TCF12: variants seen among roughly 807,000 people sequenced by gnomAD.
TCF12 encodes the protein DNA-binding protein HTF4.
TCF12 carries 45 observed loss-of-function variants against 86.0 expected under a neutral mutation model. That is an observed-to-expected ratio of 0.52 (90% CI 0.41 to 0.67). The LOEUF (loss-of-function observed/expected upper bound fraction) is 0.67. Among genes scored for constraint, TCF12 ranks in the 30% least tolerant of loss-of-function variants. The pLI, the probability that TCF12 is intolerant of heterozygous loss-of-function variation, is 0.00. For missense variants in TCF12, 881 were observed against 859.9 expected (o/e 1.02, Z -0.31); for synonymous variants, 330 against 299.6 (o/e 1.10, Z -1.05).
At chr15:57,029,604 A>G (rs1443269423) in intron 3 of TCF12, among the ~76,000 whole-genome samples, 1 of 152,200 alleles carries the variant, frequency 6.6e-6, no homozygotes, top group Non-Finnish European at 1.5e-5. Flanking sequence ...ATTAACATGG[A>G]GTAAAATGGA....
chr15:57,263,338 C>A, intron 18 of TCF12, 64 bp downstream of exon 18: 1 of 1,515,944 alleles, frequency 6.6e-7, no homozygotes, highest in Non-Finnish European at 8.9e-7. Flanking sequence ...ACTTGAGAAG[C>A]TGGGTGTCAT....
intron 18 of TCF12, among the ~76,000 whole-genome samples, chr15:57,272,227 T>C (rs1312350572): frequency 6.6e-6 from 1 of 152,224 alleles, no homozygotes; most frequent in African/African-American, 2.4e-5. Flanking sequence ...TCTGTGATCA[T>C]CTCCCTTTAC....
chr15:56,954,485 C>T (rs943708067), intron 3 of TCF12, among the ~76,000 whole-genome samples: 2 of 152,196 alleles, frequency 1.3e-5, no homozygotes, highest in Middle Eastern at 3.4e-3. Context: ...AAAGCCTAGG[C>T]AATACTATTC....
chr15:56,989,464 C>G lies in TCF12; in HGVS notation c.148+68366C>G, dbSNP rs2140951272. 2.0e-5 allele frequency among the ~76,000 whole-genome samples: 3 copies of G among 152,312 alleles called. 1 individual carries two copies. In the South Asian group the frequency reaches 6.2e-4, roughly 32 times the overall value. The stretch of plus-strand genomic sequence containing the variant: ...CAAACAAAACAAAAAAACCAGGCAG[C>G]TGGGTGGATTTAGAAATCCTGGCTA... On this transcript the variant is annotated intron_variant, in intron 3 of 20. Coordinates refer to ENST00000333725, the MANE Select transcript of TCF12 (RefSeq NM_207037.2).
intron 5 of TCF12, among the ~76,000 whole-genome samples, chr15:57,133,783 C>T (rs1219350710): frequency 6.6e-6 from 1 of 152,144 alleles, no homozygotes; most frequent in Non-Finnish European, 1.5e-5. Flanking sequence ...AGTCATTCTC[C>T]ATCAGGTTCC....
In TCF12 at chr15:57,197,630, G is replaced by T. The variant is rs528848619; in HGVS notation, c.527-143G>T. On this transcript the variant is annotated intron_variant, in intron 7 of 20. Transcript: ENST00000333725. ...ACTGGGACTAGTTAAAAGGAATGAAGCCCTCATTACTGTATTTTGCTGCTT... is the reference window on the plus strand; with the variant it reads ...ACTGGGACTAGTTAAAAGGAATGAATCCCTCATTACTGTATTTTGCTGCTT... 31 of 737,704 alleles carry T rather than the reference G, an allele frequency of 4.2e-5. 1 individual carries two copies. The highest frequency in any genetic ancestry group is 3.7e-4 in the African/African-American group (21 of 56,190). 45.7% of individuals were successfully genotyped at this position (737,704 alleles called of 1,614,324 possible). A position where few individuals can be genotyped will look rare whatever the true frequency, so the allele number is the denominator to read the frequency against.
At chr15:57,284,165 A>G (rs1051610269) in intron 20 of TCF12, among the ~76,000 whole-genome samples, 2 of 152,036 alleles carry the variant, frequency 1.3e-5, no homozygotes, top group Admixed American at 6.6e-5. Flanking sequence ...TAAACTTTGA[A>G]GTTTTTTTGT....
intron 4 of TCF12, among the ~76,000 whole-genome samples, chr15:57,089,650 GAGGATACAA>G (rs2048866991): frequency 6.6e-6 from 1 of 151,612 alleles, no homozygotes; most frequent in African/African-American, 2.4e-5. Context: ...AGAGAACTGG[GAGGATACAA>G]AATTGCTCTT....
At chr15:56,951,308 A>C (rs2061264449) in intron 3 of TCF12, among the ~76,000 whole-genome samples, 1 of 152,126 alleles carries the variant, frequency 6.6e-6, no homozygotes, top group Non-Finnish European at 1.5e-5. Context: ...AATGATGTTG[A>C]GTATCTTTTC....
At chr15:56,936,934 G>T (rs1471259616) in intron 3 of TCF12, among the ~76,000 whole-genome samples, 2 of 152,212 alleles carry the variant, frequency 1.3e-5, no homozygotes, top group Admixed American at 6.5e-5. Flanking sequence ...TTTTTGCTCA[G>T]TCTTGTTTTG....
intron 11 of TCF12, among the ~76,000 whole-genome samples, chr15:57,233,106 GTATA>G (rs1409432395): frequency 6.7e-6 from 1 of 149,242 alleles, no homozygotes. Flanking sequence ...AGGTATATAT[GTATA>G]TATGTTTGTG....
chr15:57,203,734 T>G (rs2057670742), intron 8 of TCF12, among the ~76,000 whole-genome samples: 1 of 152,190 alleles, frequency 6.6e-6, no homozygotes, highest in East Asian at 1.9e-4. Flanking sequence ...ACTCTCAAAG[T>G]GTAATTTACC....
chr15:57,174,700 C>T (rs1332337654), intron 6 of TCF12, among the ~76,000 whole-genome samples: 1 of 152,124 alleles, frequency 6.6e-6, no homozygotes, highest in Non-Finnish European at 1.5e-5. Context: ...CAAAGTCAAT[C>T]TAAAAAATTA....
At chr15:56,927,728 C>G (rs1400115737) in intron 3 of TCF12, among the ~76,000 whole-genome samples, 4 of 151,988 alleles carry the variant, frequency 2.6e-5, no homozygotes, top group African/African-American at 7.3e-5. Flanking sequence ...TTTGTGCCTA[C>G]AAGTTAATAA....
intron 3 of TCF12, among the ~76,000 whole-genome samples, chr15:57,024,656 C>T (rs1416099065): frequency 1.3e-5 from 2 of 152,134 alleles, no homozygotes; most frequent in African/African-American, 4.8e-5. Flanking sequence ...AAGGAGCTTG[C>T]CGGTACTGCA....
chr15:57,286,414 C>G lies in TCF12; in HGVS notation c.*269C>G, dbSNP rs767263600. 3.3e-6 allele frequency: 1 copy of G among 302,068 alleles called. No homozygotes were observed. The highest frequency in any genetic ancestry group is 6.6e-6 in the Non-Finnish European group (1 of 152,490). 18.7% of individuals were successfully genotyped at this position (302,068 alleles called of 1,614,324 possible). Reference sequence around the variant, plus strand: ...ATCTTTTGTTGCAAGCAGTGTGTCGCTTCTGCACAATCAGAGACTGTCTCG... The same window carrying G: ...ATCTTTTGTTGCAAGCAGTGTGTCGGTTCTGCACAATCAGAGACTGTCTCG... On this transcript the variant is annotated 3_prime_UTR_variant, in exon 21 of 21. Transcript: ENST00000333725.
intron 3 of TCF12, among the ~76,000 whole-genome samples, chr15:57,028,044 A>C (rs1405988119): frequency 6.6e-6 from 1 of 151,584 alleles, no homozygotes; most frequent in African/African-American, 2.4e-5. Context: ...GCTCACTGCA[A>C]CCTCTGTCTC....
In TCF12 at chr15:57,266,098, T is replaced by G. The variant is rs995935907; in HGVS notation, c.1745+2824T>G. ...TGTTTTTGTTTTTATTATTTATTTATTTATTTATTTATTTATTTATTTATT... is the reference window on the plus strand; with the variant it reads ...TGTTTTTGTTTTTATTATTTATTTAGTTATTTATTTATTTATTTATTTATT... On this transcript the variant is annotated intron_variant, in intron 18 of 20. Transcript: ENST00000333725. 2.7e-3 allele frequency among the ~76,000 whole-genome samples: 339 copies of G among 126,304 alleles called. 13 individuals are homozygous for G. In the East Asian group the frequency reaches 0.053, roughly 20 times the overall value. 82.9% of individuals were successfully genotyped at this position (126,304 alleles called of 152,430 possible). A position where few individuals can be genotyped will look rare whatever the true frequency, so the allele number is the denominator to read the frequency against.
At chr15:57,187,127 C>T (rs988833052) in intron 6 of TCF12, among the ~76,000 whole-genome samples, 4 of 151,816 alleles carry the variant, frequency 2.6e-5, no homozygotes, top group East Asian at 1.9e-4. Context: ...TGCAGTGACC[C>T]GAGATGATAC....
Sources: gnomAD v4.1 joint callset for allele counts (sites outside exome capture counted in the v4.1 genomes callset) on GRCh38, gnomAD v4.1.1 for gene constraint, MANE v1.5 for transcripts, NCBI Gene and HGNC (gene_info 2026-07-23, HGNC 2026-07-21) for gene names.